CCDC171: variants seen among roughly 807,000 people sequenced by gnomAD.
CCDC171 encodes the protein coiled-coil domain-containing protein 171.
CCDC171 carries 177 observed loss-of-function variants against 168.2 expected under a neutral mutation model. The observed-to-expected ratio is 1.05, with a 90% CI of 0.93 to 1.19. The LOEUF (loss-of-function observed/expected upper bound fraction) is 1.19. Among genes scored for constraint, CCDC171 ranks in the 50% most tolerant of loss-of-function variants. The pLI is 0.00. For missense variants in CCDC171, 1,991 were observed against 1,539.0 expected (o/e 1.29, Z -4.91); for synonymous variants, 687 against 540.8 (o/e 1.27, Z -3.75).
chr9:15,788,637 C>A (rs1392677026), intron 21 of CCDC171, among the ~76,000 whole-genome samples: 3 of 151,092 alleles, frequency 2.0e-5, no homozygotes, highest in Admixed American at 2.0e-4. Context: ...CAGGCCACGA[C>A]CTCCTAGGCT....
At chr9:16,050,882 A>G (rs2987087) in intron 1 of CCDC171, among the ~76,000 whole-genome samples, 98,119 of 152,120 alleles carry the variant, frequency 0.65, 34,750 homozygotes, top group East Asian at 0.89. Flanking sequence ...TCCGATGACC[A>G]CAGTTATAAA....
intron 7 of CCDC171, among the ~76,000 whole-genome samples, chr9:15,626,223 G>A (rs916608118): frequency 6.6e-5 from 10 of 152,190 alleles, no homozygotes; most frequent in Admixed American, 4.6e-4. Context: ...GGGCTGAGAC[G>A]ATGGGGTTTT....
chr9:15,846,262 T>A (rs911653169), intron 21 of CCDC171, among the ~76,000 whole-genome samples: 1 of 152,106 alleles, frequency 6.6e-6, no homozygotes, highest in Non-Finnish European at 1.5e-5. Flanking sequence ...CTTATAGATA[T>A]CCTGGTCTAT....
At chr9:15,898,208 G>T (rs1054772662) in intron 24 of CCDC171, among the ~76,000 whole-genome samples, 14 of 152,156 alleles carry the variant, frequency 9.2e-5, no homozygotes, top group African/African-American at 3.1e-4. Flanking sequence ...CAAAGATTTG[G>T]TAAGAGCATA....
chr9:15,802,258 C>G (rs1460380243), intron 21 of CCDC171, among the ~76,000 whole-genome samples: 1 of 150,130 alleles, frequency 6.7e-6, no homozygotes, highest in Non-Finnish European at 1.5e-5. Flanking sequence ...TAATTATTTT[C>G]AACTTTTAAG....
Position 15,994,092 on chromosome 9 carries a change from A to G in CCDC171, n.369-26497A>G, listed in dbSNP as rs192624031. Among the ~76,000 whole-genome samples, 3 of 152,316 alleles carry G rather than the reference A, an allele frequency of 2.0e-5. No individual in the cohort carries two copies. The East Asian group carries it at 5.8e-4, about 29-fold the overall frequency. Reference sequence around the variant, plus strand: ...ACCCAGCCATCCCATTGCTATGTATATACCGAAAGGATTATAAAACATGCT... The same window carrying G: ...ACCCAGCCATCCCATTGCTATGTATGTACCGAAAGGATTATAAAACATGCT... On this transcript the variant is annotated intron_variant and non_coding_transcript_variant, in intron 3 of 9. Transcript: ENST00000486641.
intron 11 of CCDC171, among the ~76,000 whole-genome samples, chr9:15,707,425 T>A (rs1161898237): frequency 6.6e-6 from 1 of 152,270 alleles, no homozygotes; most frequent in Non-Finnish European, 1.5e-5. Flanking sequence ...TCTATTTTGC[T>A]TCATCTATTC....
At chr9:15,584,163 G>A (rs774529027) in intron 4 of CCDC171, among the ~76,000 whole-genome samples, 11 of 152,166 alleles carry the variant, frequency 7.2e-5, no homozygotes, top group African/African-American at 9.6e-5. Flanking sequence ...CACCGTGCCC[G>A]GCATGTTAAG....
At chr9:15,795,687 G>C (rs749843525) in intron 21 of CCDC171, among the ~76,000 whole-genome samples, 13 of 152,190 alleles carry the variant, frequency 8.5e-5, no homozygotes, top group Admixed American at 3.9e-4. Flanking sequence ...CCTGTGTAAA[G>C]CTAGGCATCT....
rs568158348 is a variant in CCDC171, at chr9:15,617,678, T to TG, written c.676-5581dup. Among the ~76,000 whole-genome samples the TG allele has an allele frequency of 2.5e-3, 383 of 151,578 alleles. 1 individual carries two copies. The highest frequency in any genetic ancestry group is 7.9e-3 in the African/African-American group (326 of 41,368). On this transcript the variant is annotated intron_variant, in intron 6 of 25. Transcript: ENST00000380701. ...GGCGTGAGCCACCACGCCCGGCCTG[T>TG]GGGGGGGGTTCTTGATGTTGATGTT...
downstream of CCDC171, among the ~76,000 whole-genome samples, chr9:15,977,490 T>C (rs1260492845): frequency 6.6e-6 from 1 of 152,222 alleles, no homozygotes; most frequent in East Asian, 1.9e-4. Context: ...TGTTTGATGC[T>C]TAGGCATATG....
rs1019412605 is a variant in CCDC171, at chr9:15,970,495, T to C, written c.3754-1114T>C. 6.6e-5 allele frequency among the ~76,000 whole-genome samples: 10 copies of C among 152,270 alleles called. No homozygotes were observed. The East Asian group carries it at 1.7e-3, about 26-fold the overall frequency. ...CAGCAACATTTATTTTGTGGGAATC[T>C]GGAAAATTATGTCATACAATTGATC... On this transcript the variant is annotated intron_variant, in intron 25 of 25. Coordinates refer to ENST00000380701, the MANE Select transcript of CCDC171 (RefSeq NM_173550.4).
At chr9:15,720,834 C>T (rs1450096973) in intron 11 of CCDC171, among the ~76,000 whole-genome samples, 2 of 152,162 alleles carry the variant, frequency 1.3e-5, no homozygotes, top group Non-Finnish European at 2.9e-5. Context: ...TGCTATCCCT[C>T]CTCCCTCCAC....
intron 7 of CCDC171, among the ~76,000 whole-genome samples, chr9:15,633,709 A>G (rs1471302962): frequency 6.6e-6 from 1 of 152,202 alleles, no homozygotes; most frequent in Admixed American, 6.5e-5. Flanking sequence ...ATTCTACTAT[A>G]CAGACACATG....
intron 23 of CCDC171, among the ~76,000 whole-genome samples, chr9:15,858,280 A>G (rs1426732005): frequency 6.6e-6 from 1 of 152,020 alleles, no homozygotes; most frequent in Non-Finnish European, 1.5e-5. Context: ...TGGCCTCCCA[A>G]AGTGCTGGGA....
intron 21 of CCDC171, among the ~76,000 whole-genome samples, chr9:15,812,859 A>G (rs142297516): frequency 6.3e-4 from 96 of 152,244 alleles, no homozygotes; most frequent in African/African-American, 1.9e-3. Context: ...ATTTGTGTAT[A>G]TTGGGTTGAG....
chr9:15,955,303 G>T (rs1829680695), intron 25 of CCDC171, among the ~76,000 whole-genome samples: 2 of 152,122 alleles, frequency 1.3e-5, no homozygotes. Flanking sequence ...TGAAGAGGAG[G>T]GAAGAAAGGA....
chr9:16,100,811 C>T, the CCDC171 span, among the ~76,000 whole-genome samples: 1 of 152,268 alleles, frequency 6.6e-6, no homozygotes, highest in Non-Finnish European at 1.5e-5. Context: ...CCCCACCCCG[C>T]CCCCCACCAA....
chr9:15,971,317 A>T (rs886821749), intron 25 of CCDC171, among the ~76,000 whole-genome samples: 1 of 152,174 alleles, frequency 6.6e-6, no homozygotes, highest in African/African-American at 2.4e-5. Flanking sequence ...AAAATCCCTG[A>T]TTGTATTGAC....
Sources: gnomAD v4.1 joint callset for allele counts (sites outside exome capture counted in the v4.1 genomes callset) on GRCh38, gnomAD v4.1.1 for gene constraint, MANE v1.5 for transcripts, NCBI Gene and HGNC (gene_info 2026-07-23, HGNC 2026-07-21) for gene names.